Variants in LZTFL1 observed in about 807,000 individuals in gnomAD.
LZTFL1 encodes the protein leucine zipper transcription factor like 1.
LZTFL1 carries 25 observed loss-of-function variants against 45.9 expected under a neutral mutation model. The observed-to-expected ratio is 0.54, with a 90% confidence interval of 0.40 to 0.76. The LOEUF is 0.76. Ranked by LOEUF, LZTFL1 falls within the 30% of genes least tolerant of loss-of-function variation. The probability of loss-of-function intolerance (pLI) is 0.00; values close to 1 mark genes in which losing one functional copy is unlikely to be tolerated. For synonymous variants in LZTFL1, 93 were observed against 117.4 expected, an observed-to-expected ratio of 0.79 and a Z score of 1.35; for missense variants, 277 against 331.1, an observed-to-expected ratio of 0.84 and a Z score of 1.27.
At chr3:45,893,488 A>G (rs1251907394) in intron 2 of LZTFL1, among the ~76,000 whole-genome samples, 2 of 148,984 alleles carry the variant, frequency 1.3e-5, no homozygotes, top group Non-Finnish European at 3.0e-5. Flanking sequence ...TTGCCAGGAC[A>G]TCAGTGATTC....
intron 2 of LZTFL1, chr3:45,895,035 T>TG (rs1702309424): frequency 7.3e-7 from 1 of 1,375,174 alleles, no homozygotes; most frequent in African/African-American, 1.4e-5. Context: ...GGATCCACTG[T>TG]GGGGGAAGGA....
chr3:45,842,187 G>C (rs995853976), upstream of LZTFL1: 1 of 1,453,906 alleles, frequency 6.9e-7, no homozygotes, highest in Admixed American at 2.4e-5. Flanking sequence ...AGGATCACGC[G>C]ACAGGAAGTA....
At chr3:45,847,906 T>G (rs1281347046) in intron 4 of LZTFL1, among the ~76,000 whole-genome samples, 1 of 152,230 alleles carries the variant, frequency 6.6e-6, no homozygotes, top group South Asian at 2.1e-4. Flanking sequence ...AAAAACCTGT[T>G]TAGGCAGCTA....
At chr3:45,829,316 C>T (rs1280004843) in intron 7 of LZTFL1, among the ~76,000 whole-genome samples, 1 of 152,032 alleles carries the variant, frequency 6.6e-6, no homozygotes, top group Non-Finnish European at 1.5e-5. Context: ...TGAAGAAATA[C>T]TTAGTACTTT....
At chr3:45,877,679 A>T (rs2125722533) in intron 2 of LZTFL1, among the ~76,000 whole-genome samples, 1 of 151,548 alleles carries the variant, frequency 6.6e-6, no homozygotes, top group South Asian at 2.1e-4. Context: ...GTGAAACTCC[A>T]TGAGTAATCT....
At position 45,842,015 on chromosome 3, in the gene LZTFL1, TAAAGG is replaced by T; in HGVS notation, c.-29_-25del. 2 of 1,608,408 alleles carry T rather than the reference TAAAGG, an allele frequency of 1.2e-6. No homozygotes were observed. The highest frequency in any genetic ancestry group is 1.7e-6 in the Non-Finnish European group (2 of 1,178,624). On this transcript the variant is annotated 5_prime_UTR_variant, in exon 1 of 10. Transcript: ENST00000296135. Reference sequence around the variant, plus strand: ...ATGGCGGCAGGCAGCGGCGGCAGCCTAAAGGAACGGGAGAGGCCAGGCGGTGCCCC... The same window carrying T: ...ATGGCGGCAGGCAGCGGCGGCAGCCTAACGGGAGAGGCCAGGCGGTGCCCC...
At position 45,878,807 on chromosome 3, in the gene LZTFL1, G is replaced by A. The variant is rs1701798900; in HGVS notation, c.-214-19791C>T. Reference sequence around the variant, plus strand: ...AAAGAGATACTTCACTGGGCCAGGTGCAGTGGCTCACGCCTGTAATCCCAG... The same window carrying A: ...AAAGAGATACTTCACTGGGCCAGGTACAGTGGCTCACGCCTGTAATCCCAG... On this transcript the variant is annotated intron_variant, in intron 2 of 4. Coordinates refer to the LZTFL1 transcript ENST00000472635. 3.9e-5 allele frequency among the ~76,000 whole-genome samples: 6 copies of A among 152,338 alleles called. No individual in the cohort carries two copies. The South Asian group carries it at 1.2e-3, about 32-fold the overall frequency.
At chr3:45,835,411 T>C (rs1700939747) in intron 3 of LZTFL1, 179 bp downstream of exon 3, 2 of 580,732 alleles carry the variant, frequency 3.4e-6, no homozygotes, top group Admixed American at 3.3e-5. Context: ...ACAGAGAACT[T>C]TTAAAAGGGT....
chr3:45,877,178 C>T (rs2373086), intron 2 of LZTFL1, among the ~76,000 whole-genome samples: 15,648 of 151,814 alleles, frequency 0.1, 2,366 homozygotes, highest in African/African-American at 0.33. Flanking sequence ...GACCTCTTTC[C>T]AGTAGGGCTT....
intron 1 of LZTFL1, among the ~76,000 whole-genome samples, chr3:45,914,604 C>T (rs989826285): frequency 6.6e-6 from 1 of 152,138 alleles, no homozygotes; most frequent in Non-Finnish European, 1.5e-5. Context: ...CTTCAGGTAA[C>T]TAAAGCAAGA....
intron 2 of LZTFL1, among the ~76,000 whole-genome samples, chr3:45,870,488 T>G (rs1214866819): frequency 1.3e-5 from 2 of 152,222 alleles, no homozygotes; most frequent in African/African-American, 2.4e-5. Flanking sequence ...TGCGTGTGTG[T>G]TTGTGGTTGA....
At chr3:45,828,957 T>TA (rs1412233060) in intron 7 of LZTFL1, among the ~76,000 whole-genome samples, 1 of 152,032 alleles carries the variant, frequency 6.6e-6, no homozygotes, top group Non-Finnish European at 1.5e-5. Flanking sequence ...AAGCCAAATT[T>TA]AAAAAAATCC....
chr3:45,898,203 T>C (rs1201694439), intron 2 of LZTFL1, among the ~76,000 whole-genome samples: 2 of 152,170 alleles, frequency 1.3e-5, no homozygotes, highest in Admixed American at 1.3e-4. Context: ...CTTCCTTCTA[T>C]TCTCAAGTTC....
intron 1 of LZTFL1, among the ~76,000 whole-genome samples, chr3:45,838,348 T>C (rs1272670787): frequency 6.6e-6 from 1 of 152,230 alleles, no homozygotes; most frequent in Non-Finnish European, 1.5e-5. Flanking sequence ...CTGGAAGAGG[T>C]GGCGACTTGA....
intron 2 of LZTFL1, among the ~76,000 whole-genome samples, chr3:45,870,995 C>T (rs1013530916): frequency 3.3e-5 from 5 of 152,160 alleles, no homozygotes; most frequent in Non-Finnish European, 7.4e-5. Context: ...TGTTCAGAAA[C>T]ATGCCCTGGG....
At chr3:45,863,128 G>A (rs1159786642) in intron 2 of LZTFL1, among the ~76,000 whole-genome samples, 1 of 152,152 alleles carries the variant, frequency 6.6e-6, no homozygotes, top group Non-Finnish European at 1.5e-5. Flanking sequence ...AAACTCATTC[G>A]AGGCAGCTAA....
intron 2 of LZTFL1, among the ~76,000 whole-genome samples, chr3:45,878,819 G>T (rs528941522): frequency 6.6e-6 from 1 of 152,320 alleles, no homozygotes; most frequent in East Asian, 1.9e-4. Context: ...AGTGGCTCAC[G>T]CCTGTAATCC....
intron 2 of LZTFL1, among the ~76,000 whole-genome samples, chr3:45,905,215 C>T (rs2125768012): frequency 6.6e-6 from 1 of 152,322 alleles, no homozygotes; most frequent in East Asian, 1.9e-4. Flanking sequence ...AGCCAAGACA[C>T]ACCATAGTGC....
chr3:45,903,391 CT>C (rs1702615909), intron 2 of LZTFL1: 1 of 152,312 alleles, frequency 6.6e-6, no homozygotes, highest in Non-Finnish European at 1.5e-5. Flanking sequence ...TATTTCTCCT[CT>C]GTCCAAACTT....
Sources: gnomAD v4.1 joint callset for allele counts (sites outside exome capture counted in the v4.1 genomes callset) on GRCh38, gnomAD v4.1.1 for gene constraint, MANE v1.5 for transcripts, NCBI Gene and HGNC (gene_info 2026-07-23, HGNC 2026-07-21) for gene names.